The following RFX7 variants were observed in gnomAD, a reference collection of about 807,000 sequenced individuals.
The protein encoded by RFX7 is DNA-binding protein RFX7.
A neutral mutation model predicts 111.8 loss-of-function variants in RFX7; 26 were observed. The observed-to-expected ratio is 0.23, with a 90% CI of 0.17 to 0.32. The LOEUF (loss-of-function observed/expected upper bound fraction) is 0.32. RFX7 is among the 10% of genes least tolerant of loss of function. The probability of loss-of-function intolerance (pLI) is 1.00; values close to 1 mark genes in which losing one functional copy is unlikely to be tolerated. For synonymous variants in RFX7, 624 were observed against 624.4 expected, an observed-to-expected ratio of 1.00 and a Z score of 0.01; for missense variants, 1,573 against 1,772.9, an observed-to-expected ratio of 0.89 and a Z score of 2.02.
rs2041583702 is a variant in RFX7, at chr15:56,090,537, T to C, written c.*2808A>G. 6.6e-6 allele frequency: 1 copy of C among 152,586 alleles called. No individual in the cohort carries two copies. Among genetic ancestry groups the C allele is most frequent in the Non-Finnish European group, 1.5e-5 (1 of 68,010 alleles). The allele number at this position is 152,586 out of a possible 1,614,324, so 9.5% of individuals were successfully genotyped here. ...ATAAAACACCTTCAGATCCAGTCAG[T>C]TTAATATAAAATGTTTTTAATTGTT... On this transcript the variant is annotated 3_prime_UTR_variant, in exon 10 of 10. Transcript: ENST00000559447.
intron 5 of RFX7, among the ~76,000 whole-genome samples, chr15:56,122,858 A>C (rs2042096101): frequency 6.6e-6 from 1 of 152,092 alleles, no homozygotes; most frequent in Non-Finnish European, 1.5e-5. Context: ...TGTTCACTTA[A>C]GGCCCAAGGG....
intron 3 of RFX7, among the ~76,000 whole-genome samples, chr15:56,177,359 C>T (rs779002225): frequency 4.3e-4 from 66 of 152,194 alleles, no homozygotes; most frequent in Middle Eastern, 3.4e-3. Flanking sequence ...TATCATTTAT[C>T]GTTATCTGAA....
chr15:56,190,427 C>T (rs1239536544), intron 2 of RFX7, among the ~76,000 whole-genome samples: 2 of 152,180 alleles, frequency 1.3e-5, no homozygotes, highest in Non-Finnish European at 2.9e-5. Context: ...CACTAATCAA[C>T]ATGGGGATAT....
intron 3 of RFX7, among the ~76,000 whole-genome samples, chr15:56,162,681 T>A (rs1240854798): frequency 6.6e-6 from 1 of 151,812 alleles, no homozygotes; most frequent in Non-Finnish European, 1.5e-5. Context: ...TCTCACATAC[T>A]AAAGGAGGAT....
intron 2 of RFX7, among the ~76,000 whole-genome samples, chr15:56,233,035 T>C (rs1161587773): frequency 6.6e-6 from 1 of 152,218 alleles, no homozygotes; most frequent in Non-Finnish European, 1.5e-5. Flanking sequence ...CCAAAGTCAC[T>C]TCCATATTTT....
chr15:56,157,736 C>T (rs1024135998), intron 3 of RFX7, among the ~76,000 whole-genome samples: 16 of 152,286 alleles, frequency 1.1e-4, no homozygotes, highest in African/African-American at 2.9e-4. Context: ...TGTGCCACCA[C>T]GCCCAGTTAA....
chr15:56,150,181 C>T (rs1221625301), intron 3 of RFX7, among the ~76,000 whole-genome samples: 4 of 152,294 alleles, frequency 2.6e-5, no homozygotes, highest in African/African-American at 4.8e-5. Context: ...CTGATTGCCC[C>T]TCTCTGGACA....
rs1020330006 is a variant in RFX7, at chr15:56,139,449, C to T, written c.401+3329G>A. Among the ~76,000 whole-genome samples, 90 of 152,206 alleles carry T rather than the reference C, an allele frequency of 5.9e-4. 1 individual carries two copies. The highest frequency in any genetic ancestry group is 2.0e-4 in the Admixed American group (3 of 15,282). ...TGCATTCTTCACGTAGCTCTCGAAC[C>T]TTGGTTTTCAGCTCCATCAGCTCCT... On this transcript the variant is annotated intron_variant, in intron 5 of 9. Transcript: ENST00000559447.
At chr15:56,140,727 T>C (rs1323210368) in intron 5 of RFX7, among the ~76,000 whole-genome samples, 2 of 152,240 alleles carry the variant, frequency 1.3e-5, no homozygotes, top group Non-Finnish European at 2.9e-5. Flanking sequence ...AATGTGATGT[T>C]TTGGGTCTCT....
At chr15:56,223,808 G>GT (rs1302571364) in intron 2 of RFX7, among the ~76,000 whole-genome samples, 4 of 151,924 alleles carry the variant, frequency 2.6e-5, no homozygotes, top group East Asian at 1.9e-4. Context: ...GTTTTGTTTT[G>GT]TTTTTTCCCC....
chr15:56,243,587 C>T lies in RFX7; in HGVS notation c.-145G>A. 2 of 713,192 alleles carry T rather than the reference C, an allele frequency of 2.8e-6. No homozygotes were observed. Among genetic ancestry groups the T allele is most frequent in the Non-Finnish European group, 3.4e-6 (2 of 583,650 alleles). The allele number at this position is 713,192 out of a possible 1,614,324, so 44.2% of individuals were successfully genotyped here. A position where few individuals can be genotyped will look rare whatever the true frequency, so the allele number is the denominator to read the frequency against. On this transcript the variant is annotated 5_prime_UTR_variant, in exon 1 of 10. Coordinates refer to ENST00000559447, the MANE Select transcript of RFX7 (RefSeq NM_022841.7). ...CCCCCGCTGGCGCCGCCGCCTCCTC[C>T]CGTCAGCGGCCGGGGCTGTGGGGGG...
At chr15:56,144,866 A>G (rs2042447627) in intron 3 of RFX7, among the ~76,000 whole-genome samples, 1 of 152,178 alleles carries the variant, frequency 6.6e-6, no homozygotes, top group Non-Finnish European at 1.5e-5. Flanking sequence ...ACTGGCTATG[A>G]GGTTTTCAGC....
At chr15:56,115,264 G>A (rs1473590014) in intron 5 of RFX7, among the ~76,000 whole-genome samples, 2 of 152,122 alleles carry the variant, frequency 1.3e-5, no homozygotes, top group African/African-American at 2.4e-5. Flanking sequence ...TGCCTGCCTC[G>A]GCCTCCCAAA....
chr15:56,096,843 TTAAG>T (rs1455561523), intron 9 of RFX7, among the ~76,000 whole-genome samples: 7 of 152,126 alleles, frequency 4.6e-5, no homozygotes, highest in Non-Finnish European at 1.0e-4. Context: ...TGTAAGAACA[TTAAG>T]TTACTTTTCA....
Position 56,088,079 on chromosome 15 carries a change from A to G in RFX7, c.*5266T>C. 4.7e-6 allele frequency: 1 copy of G among 214,458 alleles called. No homozygotes were observed. Among genetic ancestry groups the G allele is most frequent in the Non-Finnish European group, 9.8e-6 (1 of 102,116 alleles). 13.3% of individuals were successfully genotyped at this position (214,458 alleles called of 1,614,324 possible). ...AATCTAAAAGCAATAAAAATGAAAA[A>G]GAATTGTTGACATATAAGGATGGGA... On this transcript the variant is annotated 3_prime_UTR_variant, in exon 10 of 10. Transcript: ENST00000559447.
chr15:56,110,447 C>A (rs1247068895), intron 5 of RFX7, among the ~76,000 whole-genome samples: 1 of 134,578 alleles, frequency 7.4e-6, no homozygotes, highest in African/African-American at 2.8e-5. Context: ...GCCAGCCGCC[C>A]CATCCGGGAG....
At chr15:56,241,121 A>G (rs1039289725) in intron 2 of RFX7, among the ~76,000 whole-genome samples, 1 of 152,136 alleles carries the variant, frequency 6.6e-6, no homozygotes, top group Non-Finnish European at 1.5e-5. Context: ...TATCATTACA[A>G]TTTTAAAACA....
chr15:56,232,489 C>T (rs558241891), intron 2 of RFX7, among the ~76,000 whole-genome samples: 5 of 152,272 alleles, frequency 3.3e-5, no homozygotes, highest in Non-Finnish European at 7.3e-5. Flanking sequence ...CTCTCACATG[C>T]CCTGGAGACA....
At chr15:56,127,680 TG>T (rs2140983774) in intron 5 of RFX7, among the ~76,000 whole-genome samples, 1 of 151,754 alleles carries the variant, frequency 6.6e-6, no homozygotes, top group South Asian at 2.1e-4. Context: ...CCCATGTAGC[TG>T]GGACTACAGG....
Sources: gnomAD v4.1 joint callset for allele counts (sites outside exome capture counted in the v4.1 genomes callset) on GRCh38, gnomAD v4.1.1 for gene constraint, MANE v1.5 for transcripts, NCBI Gene and HGNC (gene_info 2026-07-23, HGNC 2026-07-21) for gene names.